The following TBC1D5 variants were observed in gnomAD, a reference collection of about 807,000 sequenced individuals.
TBC1D5 encodes the protein TBC1 domain family member 5, also known as TBC1 domain family, member 5.
In TBC1D5, 75 loss-of-function variants were observed where a neutral mutation model predicts 100.3. That is an observed-to-expected ratio of 0.75 (90% CI 0.62 to 0.91). TBC1D5 has a LOEUF of 0.91. Among genes scored for constraint, TBC1D5 ranks in the 40% least tolerant of loss-of-function variants. The pLI is 0.00. For synonymous variants in TBC1D5, 323 were observed against 325.6 expected (o/e 0.99, Z 0.09); for missense variants, 910 against 942.4 (o/e 0.97, Z 0.45).
intron 13 of TBC1D5, among the ~76,000 whole-genome samples, chr3:17,359,734 A>G (rs750164055): frequency 1.3e-5 from 2 of 152,064 alleles, no homozygotes; most frequent in Non-Finnish European, 2.9e-5. Context: ...TACCAAGTAT[A>G]CTTAATAATG....
intron 1 of TBC1D5, among the ~76,000 whole-genome samples, chr3:17,712,679 C>A (rs1214440424): frequency 6.6e-6 from 1 of 152,132 alleles, no homozygotes; most frequent in Non-Finnish European, 1.5e-5. Flanking sequence ...GCAGAAGTAT[C>A]ACTTCTCAGA....
intron 1 of TBC1D5, among the ~76,000 whole-genome samples, chr3:17,693,394 C>T (rs918536413): frequency 4.6e-5 from 7 of 152,210 alleles, no homozygotes; most frequent in African/African-American, 1.7e-4. Context: ...CTGCGCTTTG[C>T]TCAAGGTCTT....
chr3:17,475,891 CT>C (rs1189687709), intron 3 of TBC1D5, among the ~76,000 whole-genome samples: 31 of 152,066 alleles, frequency 2.0e-4, no homozygotes, highest in African/African-American at 7.5e-4. Flanking sequence ...CGTAACAGAG[CT>C]CACGTTTCTT....
At chr3:17,184,266 T>TA (rs2068760908) in intron 19 of TBC1D5, among the ~76,000 whole-genome samples, 1 of 152,194 alleles carries the variant, frequency 6.6e-6, no homozygotes, top group African/African-American at 2.4e-5. Context: ...GGACATTTCT[T>TA]AGAATATAAG....
intron 18 of TBC1D5, among the ~76,000 whole-genome samples, chr3:17,206,150 G>C (rs911473643): frequency 3.3e-5 from 5 of 152,110 alleles, no homozygotes; most frequent in Non-Finnish European, 7.4e-5. Context: ...AATAACGTTT[G>C]TATTTAATGG....
At chr3:17,659,216 G>A (rs6789697) in intron 1 of TBC1D5, among the ~76,000 whole-genome samples, 78,437 of 152,010 alleles carry the variant, frequency 0.52, 22,031 homozygotes, top group East Asian at 0.98. Context: ...AAAATAGAAC[G>A]AGTGGATTTG....
At chr3:17,468,519 ACT>A (rs916008398) in intron 3 of TBC1D5, among the ~76,000 whole-genome samples, 5 of 151,742 alleles carry the variant, frequency 3.3e-5, no homozygotes, top group East Asian at 1.9e-4. Context: ...GCTTTCAAAG[ACT>A]CTGTTTATTT....
rs60539576 is a variant in TBC1D5 at position 17,388,685 on chromosome 3, C to CAAA, written c.510-4673_510-4671dup. Among the ~76,000 whole-genome samples the CAAA allele has an allele frequency of 1.2e-3, 128 of 107,992 alleles. 1 individual carries two copies. In the South Asian group the frequency reaches 0.023, roughly 19 times the overall value. 70.8% of individuals were successfully genotyped at this position (107,992 alleles called of 152,430 possible). ...GCAACATAGCGAGACCCTGCCTTTA[C>CAAA]AAAAAAAAAAAAAAAAAGTAAAAGT... On this transcript the variant is annotated intron_variant, in intron 8 of 21. Coordinates refer to ENST00000253692, the Ensembl canonical transcript of TBC1D5.
intron 3 of TBC1D5, among the ~76,000 whole-genome samples, chr3:17,480,449 G>T (rs912702303): frequency 5.3e-5 from 8 of 152,132 alleles, no homozygotes; most frequent in African/African-American, 1.9e-4. Flanking sequence ...CCTGCCCTTG[G>T]ACGAACCAGC....
intron 3 of TBC1D5, among the ~76,000 whole-genome samples, chr3:17,494,518 T>C (rs1410750563): frequency 6.6e-6 from 1 of 152,188 alleles, no homozygotes; most frequent in Admixed American, 6.5e-5. Context: ...CAGGAAATAC[T>C]AAGTCTGCTG....
intron 3 of TBC1D5, among the ~76,000 whole-genome samples, chr3:17,481,652 T>A (rs555893334): frequency 1.2e-4 from 19 of 152,342 alleles, no homozygotes; most frequent in African/African-American, 4.6e-4. Flanking sequence ...CCACTCTTCG[T>A]AAGAATAACT....
At chr3:17,711,278 TAA>T (rs1052081995) in intron 1 of TBC1D5, among the ~76,000 whole-genome samples, 9 of 152,334 alleles carry the variant, frequency 5.9e-5, no homozygotes, top group African/African-American at 2.2e-4. Context: ...AATTTATGTA[TAA>T]AAGTTTTTAA....
At chr3:17,374,795 G>C in intron 10 of TBC1D5, 116 bp from the exon 11 acceptor site, 1 of 1,015,880 alleles carries the variant, frequency 9.8e-7, no homozygotes, top group South Asian at 1.6e-5. Context: ...AAAAAAATTA[G>C]TCTTTTTTAA....
intron 1 of TBC1D5, among the ~76,000 whole-genome samples, chr3:17,701,843 G>C (rs2073261612): frequency 6.6e-6 from 1 of 151,352 alleles, no homozygotes. Context: ...GACCAGACTA[G>C]CTTTTTCTTT....
chr3:17,374,718 T>C, intron 10 of TBC1D5, 39 bp from the exon 11 acceptor site: 1 of 1,598,680 alleles, frequency 6.3e-7, no homozygotes, highest in Non-Finnish European at 8.5e-7. Context: ...TGTGTAATTT[T>C]TGAATAATTA....
chr3:17,535,729 G>A lies in TBC1D5; in HGVS notation c.-35-27124C>T, dbSNP rs142499858. 8.7e-4 allele frequency among the ~76,000 whole-genome samples: 132 copies of A among 152,164 alleles called. No individual in the cohort carries two copies. In the East Asian group the frequency reaches 0.022, roughly 25 times the overall value. On this transcript the variant is annotated intron_variant, in intron 2 of 21. Transcript: ENST00000253692. Reference sequence around the variant, plus strand: ...AAAAAGTTGCGGGATGGGGAGGAGGGAGAATGTTTTTAAAAACACACACAT... The same window carrying A: ...AAAAAGTTGCGGGATGGGGAGGAGGAAGAATGTTTTTAAAAACACACACAT...
At chr3:17,617,147 A>G (rs1000413602) in intron 2 of TBC1D5, among the ~76,000 whole-genome samples, 4 of 152,090 alleles carry the variant, frequency 2.6e-5, no homozygotes, top group African/African-American at 9.7e-5. Context: ...TCACTTATGA[A>G]GCTTAGTTTG....
rs980579182 is a variant in TBC1D5 at position 17,238,025 on chromosome 3, C to G, written c.1588+138G>C. On this transcript the variant is annotated intron_variant, in intron 17 of 21. Transcript: ENST00000253692. ...TAAGACCAACACGGTATCTAGTATT[C>G]CAACTTTATATAACATATTTAAAAA... 7 of 1,299,352 alleles carry G rather than the reference C, an allele frequency of 5.4e-6. No individual in the cohort carries two copies. The African/African-American group carries it at 6.0e-5, about 11-fold the overall frequency. The allele number at this position is 1,299,352 out of a possible 1,614,324, so 80.5% of individuals were successfully genotyped here. A position where few individuals can be genotyped will look rare whatever the true frequency, so the allele number is the denominator to read the frequency against.
chr3:17,735,207 T>C (rs1201571742), intron 1 of TBC1D5, among the ~76,000 whole-genome samples: 1 of 152,236 alleles, frequency 6.6e-6, no homozygotes, highest in Non-Finnish European at 1.5e-5. Context: ...ATATTAGCTA[T>C]AATAGTGTTC....
Sources: gnomAD v4.1 joint callset for allele counts (sites outside exome capture counted in the v4.1 genomes callset) on GRCh38, gnomAD v4.1.1 for gene constraint, MANE v1.5 for transcripts, NCBI Gene and HGNC (gene_info 2026-07-23, HGNC 2026-07-21) for gene names.